Variants in NTN4 observed in about 807,000 individuals in gnomAD.
NTN4 encodes netrin 4, also known as netrin-4.
NTN4 carries 32 observed loss-of-function variants against 73.6 expected under a neutral mutation model. The observed-to-expected ratio is 0.44, with a 90% CI of 0.33 to 0.58. The LOEUF (loss-of-function observed/expected upper bound fraction) is 0.58, where lower values mean the gene tolerates loss of function less well. Among genes scored for constraint, NTN4 ranks in the 20% least tolerant of loss-of-function variants. NTN4 has a pLI of 0.04. For missense variants in NTN4, 654 were observed against 798.3 expected (o/e 0.82, Z 2.18); for synonymous variants, 258 against 287.5 (o/e 0.90, Z 1.04).
intron 2 of NTN4, among the ~76,000 whole-genome samples, chr12:95,773,675 G>A (rs183560778): frequency 2.0e-4 from 30 of 151,984 alleles, no homozygotes; most frequent in African/African-American, 5.8e-4. Flanking sequence ...AGGCTTTCTC[G>A]GGGAGCCCCA....
chr12:95,738,180 A>G (rs1438100666), intron 2 of NTN4, 36 bp from the exon 3 acceptor site: 11 of 1,570,112 alleles, frequency 7.0e-6, no homozygotes, highest in Non-Finnish European at 9.5e-6. Flanking sequence ...CGTTTATAGG[A>G]CTGTGCGCAA....
At chr12:95,665,423 G>T (rs531726082) in intron 9 of NTN4, among the ~76,000 whole-genome samples, 1 of 152,174 alleles carries the variant, frequency 6.6e-6, no homozygotes, top group Non-Finnish European at 1.5e-5. Flanking sequence ...TATTTCCACA[G>T]ATGGAATTTT....
intron 8 of NTN4, among the ~76,000 whole-genome samples, chr12:95,668,728 G>A (rs1592652050): frequency 6.6e-6 from 1 of 152,280 alleles, no homozygotes; most frequent in African/African-American, 2.4e-5. Flanking sequence ...GGTGGCTCAC[G>A]CCTGTCATCC....
intron 2 of NTN4, among the ~76,000 whole-genome samples, chr12:95,755,520 TG>T (rs1263345164): frequency 6.6e-6 from 1 of 152,202 alleles, no homozygotes; most frequent in Non-Finnish European, 1.5e-5. Context: ...ATTAGAGAAG[TG>T]TGTCTGTCTT....
intron 3 of NTN4, among the ~76,000 whole-genome samples, chr12:95,737,512 A>G (rs768130193): frequency 2.0e-5 from 3 of 152,080 alleles, no homozygotes; most frequent in Non-Finnish European, 4.4e-5. Flanking sequence ...TTTAAAATCT[A>G]CTCCACAATG....
chr12:95,677,160 C>T (rs1006976094), intron 7 of NTN4, among the ~76,000 whole-genome samples: 7 of 151,778 alleles, frequency 4.6e-5, no homozygotes, highest in Admixed American at 3.9e-4. Flanking sequence ...ACCCGGGAGG[C>T]AGAGGTTGCA....
At chr12:95,682,503 A>G (rs2078326142) in intron 7 of NTN4, among the ~76,000 whole-genome samples, 1 of 151,916 alleles carries the variant, frequency 6.6e-6, no homozygotes, top group African/African-American at 2.4e-5. Context: ...TAATCATCAG[A>G]AAACAAACAA....
At chr12:95,687,133 G>T (rs913227827) in intron 5 of NTN4, among the ~76,000 whole-genome samples, 2 of 151,760 alleles carry the variant, frequency 1.3e-5, no homozygotes, top group African/African-American at 4.8e-5. Flanking sequence ...CCTCTAAGCT[G>T]CCTCTTTGCA....
chr12:95,724,970 T>G (rs2078680771), intron 3 of NTN4, among the ~76,000 whole-genome samples: 1 of 151,316 alleles, frequency 6.6e-6, no homozygotes, highest in Non-Finnish European at 1.5e-5. Context: ...TCCTAAAATA[T>G]TAGAAGTTCC....
intron 3 of NTN4, among the ~76,000 whole-genome samples, chr12:95,728,095 T>G (rs907088987): frequency 2.0e-5 from 3 of 152,212 alleles, no homozygotes; most frequent in Non-Finnish European, 4.4e-5. Context: ...CATTTTTGGA[T>G]TGTTCATTGC....
Position 95,790,475 on chromosome 12 carries a change from A to T in NTN4, c.-166T>A, listed in dbSNP as rs2079200817. The stretch of plus-strand genomic sequence containing the variant: ...CAGCGGTCGCCGGCAGCTGGGAGCC[A>T]GGGGCCGGGACCGCGCGGGGAGGTG... On this transcript the variant is annotated 5_prime_UTR_variant, in exon 1 of 10. Transcript: ENST00000343702. The surrounding 1 kb of genome is among the most constrained non-coding windows in gnomAD (Gnocchi z 6.5). 3.7e-6 allele frequency: 2 copies of T among 543,568 alleles called. No individual in the cohort carries two copies. The highest frequency in any genetic ancestry group is 4.0e-5 in the African/African-American group (2 of 49,580). The allele number at this position is 543,568 out of a possible 1,614,324, so 33.7% of individuals were successfully genotyped here.
intron 5 of NTN4, among the ~76,000 whole-genome samples, chr12:95,694,314 A>T (rs1321708681): frequency 1.5e-5 from 2 of 134,162 alleles, no homozygotes; most frequent in Non-Finnish European, 3.0e-5. Flanking sequence ...TTTCACCAAG[A>T]CCCCGGCGGC....
At chr12:95,740,509 G>C (rs2078816286) in intron 2 of NTN4, among the ~76,000 whole-genome samples, 1 of 152,142 alleles carries the variant, frequency 6.6e-6, no homozygotes, top group South Asian at 2.1e-4. Context: ...TTTTGACCAG[G>C]TTCAAGCATA....
intron 5 of NTN4, among the ~76,000 whole-genome samples, chr12:95,709,096 T>G (rs2078543271): frequency 6.6e-6 from 1 of 152,234 alleles, no homozygotes; most frequent in African/African-American, 2.4e-5. Context: ...CTGTTCAAAT[T>G]GCACATTGAT....
intron 2 of NTN4, among the ~76,000 whole-genome samples, chr12:95,762,856 CAA>C (rs1283011457): frequency 6.6e-6 from 1 of 152,148 alleles, no homozygotes; most frequent in East Asian, 1.9e-4. Flanking sequence ...AATTGGCAAA[CAA>C]ACTAACTCTC....
chr12:95,666,944 G>T (rs200781011), intron 8 of NTN4, among the ~76,000 whole-genome samples: 2 of 50,262 alleles, frequency 4.0e-5, no homozygotes, highest in Non-Finnish European at 8.5e-5. Flanking sequence ...GAAACAAAAA[G>T]TCTGTGCATA....
rs2079135634 is a variant in NTN4 at position 95,781,938 on chromosome 12, G to A, written c.585+5001C>T. ...TTTTATGTGTTTGGTTCACTGCCATGTCTATGCCACCTGGAATGGGATCTG... is the reference window on the plus strand; with the variant it reads ...TTTTATGTGTTTGGTTCACTGCCATATCTATGCCACCTGGAATGGGATCTG... On this transcript the variant is annotated intron_variant, in intron 2 of 9. Transcript: ENST00000343702. This position sits in a 1 kb window ranked among gnomAD's most constrained non-coding sequence, Gnocchi z 4.1. Among the ~76,000 whole-genome samples the A allele has an allele frequency of 6.6e-6, 1 of 152,120 alleles. No homozygotes were observed. The highest frequency in any genetic ancestry group is 1.5e-5 in the Non-Finnish European group (1 of 68,028).
chr12:95,665,592 G>A (rs1023706268), intron 9 of NTN4: 5 of 396,616 alleles, frequency 1.3e-5, no homozygotes, highest in Non-Finnish European at 1.3e-5. Flanking sequence ...TTATATTTCT[G>A]GATTTTAAAA....
chr12:95,663,763 A>G (rs572635285), intron 9 of NTN4: 1 of 152,338 alleles, frequency 6.6e-6, no homozygotes, highest in South Asian at 2.1e-4. Context: ...TATGTTTTCA[A>G]TTGTGATGAA....
Sources: gnomAD v4.1 joint callset for allele counts (sites outside exome capture counted in the v4.1 genomes callset) on GRCh38, gnomAD v4.1.1 for gene constraint, Gnocchi (gnomAD v3.1) non-coding constraint, MANE v1.5 for transcripts, NCBI Gene and HGNC (gene_info 2026-07-23, HGNC 2026-07-21) for gene names.